RNLS: variants seen among roughly 807,000 people sequenced by gnomAD.
RNLS encodes the protein renalase.
Under a neutral mutation model 39.8 loss-of-function variants are expected in RNLS, and 39 were observed. That is an observed-to-expected ratio of 0.98 (90% confidence interval 0.76 to 1.28). RNLS has a LOEUF of 1.28. Ranked by LOEUF, RNLS falls within the 50% of genes most tolerant of loss-of-function variation. The probability of loss-of-function intolerance (pLI) is 0.00; values close to 1 mark genes in which losing one functional copy is unlikely to be tolerated. For synonymous variants in RNLS, 147 were observed against 150.7 expected (o/e 0.98, Z 0.18); for missense variants, 410 against 413.3 (o/e 0.99, Z 0.07).
chr10:88,390,876 T>C (rs535824469), intron 4 of RNLS, among the ~76,000 whole-genome samples: 30 of 152,232 alleles, frequency 2.0e-4, no homozygotes, highest in Non-Finnish European at 3.8e-4. Context: ...AAAATCTGTA[T>C]GTAATGATTT....
chr10:88,526,393 G>T (rs940595201), intron 4 of RNLS, among the ~76,000 whole-genome samples: 1 of 151,816 alleles, frequency 6.6e-6, no homozygotes, highest in Non-Finnish European at 1.5e-5. Flanking sequence ...CTACTAAAAT[G>T]ACAATAAAAA....
intron 4 of RNLS, among the ~76,000 whole-genome samples, chr10:88,525,387 T>C (rs1847051197): frequency 6.6e-6 from 1 of 152,130 alleles, no homozygotes; most frequent in Admixed American, 6.6e-5. Flanking sequence ...TCTATAGCAA[T>C]GCAGAAGGCC....
chr10:88,336,500 C>T lies in RNLS; in HGVS notation c.701-21859G>A, dbSNP rs534507835. 4.9e-4 allele frequency among the ~76,000 whole-genome samples: 74 copies of T among 152,178 alleles called. 1 individual carries two copies. Among genetic ancestry groups the T allele is most frequent in the African/African-American group, 1.6e-3 (68 of 41,506 alleles). On this transcript the variant is annotated intron_variant, in intron 5 of 6. Transcript: ENST00000331772. Reference sequence around the variant, plus strand: ...TTAAATATAAACAAGTGTGTAAAACCCCACACGATGAATTGAAAATAAAAT... The same window carrying T: ...TTAAATATAAACAAGTGTGTAAAACTCCACACGATGAATTGAAAATAAAAT...
intron 4 of RNLS, among the ~76,000 whole-genome samples, chr10:88,471,705 G>A (rs776171094): frequency 3.3e-5 from 5 of 152,162 alleles, no homozygotes; most frequent in Non-Finnish European, 7.3e-5. Flanking sequence ...AAAGGAAAGG[G>A]AGAAGGTACA....
In RNLS at chr10:88,581,626, C is replaced by T. The variant is rs760447767; in HGVS notation, c.308G>A (p.Cys103Tyr). 33 of 1,609,252 alleles carry T rather than the reference C, an allele frequency of 2.1e-5. No individual in the cohort carries two copies. Among genetic ancestry groups the T allele is most frequent in the Non-Finnish European group, 2.7e-5 (32 of 1,177,814 alleles). Residue 103 changes from cysteine (C) to tyrosine (Y), a missense_variant, in exon 3 of 7, where the codon TGT (cysteine) becomes TAT (tyrosine). Coordinates refer to ENST00000331772, the MANE Select transcript of RNLS (RefSeq NM_001031709.3). ...IEGMVMKEGD[C>Y]NFVAPQGISS... ...AATTCCTTGAGGTGCCACAAAGTTA[C>T]AGTCTCCTTCTTTCATCACCATTCC...
intron 5 of RNLS, among the ~76,000 whole-genome samples, chr10:88,360,907 G>A (rs1480623166): frequency 2.6e-5 from 4 of 152,292 alleles, no homozygotes; most frequent in African/African-American, 7.2e-5. Flanking sequence ...GAACCCTGAA[G>A]TCTCTCCAAT....
chr10:88,173,170 G>A, the RNLS span, among the ~76,000 whole-genome samples: 974 of 152,056 alleles, frequency 6.4e-3, 13 homozygotes, highest in African/African-American at 0.022. Flanking sequence ...GTGGATTTTT[G>A]TATATGGTGA....
At chr10:88,516,157 T>C (rs1167471338) in intron 4 of RNLS, among the ~76,000 whole-genome samples, 1 of 152,024 alleles carries the variant, frequency 6.6e-6, no homozygotes, top group Non-Finnish European at 1.5e-5. Context: ...ATTTCTGTTG[T>C]TTAAGCTATC....
intron 5 of RNLS, among the ~76,000 whole-genome samples, chr10:88,340,981 C>A (rs1280166082): frequency 1.3e-5 from 2 of 149,372 alleles, no homozygotes; most frequent in Admixed American, 1.3e-4. Context: ...ATCGCTTGAA[C>A]CTGAGAGGCA....
intron 6 of RNLS, among the ~76,000 whole-genome samples, chr10:88,306,086 A>C (rs1844894914): frequency 6.6e-6 from 1 of 152,194 alleles, no homozygotes; most frequent in Non-Finnish European, 1.5e-5. Flanking sequence ...CATCTGGGTA[A>C]ATAATGAAAT....
At chr10:88,279,455 G>A (rs909049688), downstream of RNLS, among the ~76,000 whole-genome samples, 3 of 151,990 alleles carry the variant, frequency 2.0e-5, no homozygotes, top group African/African-American at 7.3e-5. Flanking sequence ...ACATTTCATA[G>A]ACGAGGGCCC....
the RNLS span, among the ~76,000 whole-genome samples, chr10:88,229,774 C>A: frequency 2.6e-5 from 4 of 152,128 alleles, no homozygotes; most frequent in Non-Finnish European, 5.9e-5. Context: ...AATATGTGGC[C>A]TTTTGTGTCT....
At chr10:88,485,971 T>C (rs1844486682) in intron 4 of RNLS, among the ~76,000 whole-genome samples, 1 of 151,990 alleles carries the variant, frequency 6.6e-6, no homozygotes, top group Non-Finnish European at 1.5e-5. Context: ...AATACTTAAA[T>C]TGAACATCTT....
intron 4 of RNLS, among the ~76,000 whole-genome samples, chr10:88,512,472 G>T (rs1329972455): frequency 1.3e-5 from 2 of 152,050 alleles, no homozygotes; most frequent in Non-Finnish European, 2.9e-5. Context: ...AAACAACATA[G>T]GTAATACAGG....
At chr10:88,268,444 C>A in the RNLS span, among the ~76,000 whole-genome samples, 2 of 152,188 alleles carry the variant, frequency 1.3e-5, no homozygotes, top group African/African-American at 4.8e-5. Context: ...TTAGACATGG[C>A]CAAACCATGC....
At chr10:88,287,413 G>T (rs1843346380) in intron 6 of RNLS, among the ~76,000 whole-genome samples, 1 of 152,090 alleles carries the variant, frequency 6.6e-6, no homozygotes, top group Non-Finnish European at 1.5e-5. Context: ...TGATCAATTA[G>T]AGCTTTTAAC....
At chr10:88,434,796 T>C (rs762196748) in intron 4 of RNLS, among the ~76,000 whole-genome samples, 1 of 152,124 alleles carries the variant, frequency 6.6e-6, no homozygotes, top group Non-Finnish European at 1.5e-5. Context: ...TTATTTAATC[T>C]GTGAAATAGG....
At chr10:88,249,281 C>A in the RNLS span, among the ~76,000 whole-genome samples, 1 of 152,306 alleles carries the variant, frequency 6.6e-6, no homozygotes, top group Non-Finnish European at 1.5e-5. Context: ...TCATCAATAC[C>A]AAATCCTCTG....
chr10:88,371,307 C>T (rs953311899), intron 4 of RNLS, among the ~76,000 whole-genome samples: 1 of 152,086 alleles, frequency 6.6e-6, no homozygotes, highest in Non-Finnish European at 1.5e-5. Context: ...ATGTGTATAT[C>T]ACACTTTAGA....
Sources: allele counts gnomAD v4.1 joint callset (sites outside exome capture counted in the v4.1 genomes callset), GRCh38; gene constraint gnomAD v4.1.1; transcripts MANE v1.5; gene names NCBI Gene and HGNC (gene_info 2026-07-23, HGNC 2026-07-21).